The following PLCE1 variants were observed in gnomAD, a reference collection of about 807,000 sequenced individuals.
PLCE1 encodes phospholipase C epsilon 1.
In PLCE1, 119 loss-of-function variants were observed where a neutral mutation model predicts 242.8. That is an observed-to-expected ratio of 0.49 (90% CI 0.42 to 0.57). PLCE1 has a LOEUF of 0.57. Among genes scored for constraint, PLCE1 ranks in the 20% least tolerant of loss-of-function variants. The pLI is 0.00. For missense variants in PLCE1, 2,441 were observed against 2,788.8 expected (o/e 0.88, Z 2.81); for synonymous variants, 945 against 1,017.4 (o/e 0.93, Z 1.35).
intron 2 of PLCE1, among the ~76,000 whole-genome samples, chr10:94,096,199 A>G (rs1173367404): frequency 6.6e-6 from 1 of 152,198 alleles, no homozygotes; most frequent in Non-Finnish European, 1.5e-5. Flanking sequence ...TATGGAGACT[A>G]GGTACCTCTA....
chr10:94,223,566 C>G (rs1232584252), intron 4 of PLCE1, among the ~76,000 whole-genome samples: 1 of 151,926 alleles, frequency 6.6e-6, no homozygotes, highest in Non-Finnish European at 1.5e-5. Context: ...TGGCTAAGCC[C>G]AAGAGTACTG....
intron 19 of PLCE1, 124 bp downstream of exon 19, chr10:94,273,844 A>G: frequency 2.2e-6 from 2 of 905,556 alleles, no homozygotes; most frequent in African/African-American, 1.7e-5. Context: ...CTTTCCTTAA[A>G]TGATAAGTTT....
chr10:94,040,375 T>C (rs1023034894), intron 2 of PLCE1, among the ~76,000 whole-genome samples: 1 of 152,240 alleles, frequency 6.6e-6, no homozygotes, highest in Non-Finnish European at 1.5e-5. Context: ...AAATTGTTTT[T>C]TTTATTATCC....
At chr10:94,229,482 A>T (rs1036937837) in intron 5 of PLCE1, among the ~76,000 whole-genome samples, 2 of 152,176 alleles carry the variant, frequency 1.3e-5, no homozygotes, top group Non-Finnish European at 1.5e-5. Flanking sequence ...CACTCTTGCC[A>T]TATTGTACTG....
At chr10:94,252,236 A>G in intron 8 of PLCE1, 80 bp from the exon 9 acceptor site, 1 of 1,340,278 alleles carries the variant, frequency 7.5e-7, no homozygotes, top group Non-Finnish European at 1.1e-6. Flanking sequence ...ACCTCTTGGA[A>G]TTTTCTGGGA....
intron 19 of PLCE1, among the ~76,000 whole-genome samples, chr10:94,276,498 C>T (rs151172241): frequency 6.6e-6 from 1 of 152,158 alleles, no homozygotes; most frequent in African/African-American, 2.4e-5. Context: ...GAAGAAAGGC[C>T]TGGTCATCTG....
chr10:94,267,103 G>A (rs2051548345), intron 16 of PLCE1, among the ~76,000 whole-genome samples: 1 of 151,882 alleles, frequency 6.6e-6, no homozygotes, highest in Non-Finnish European at 1.5e-5. Flanking sequence ...TATTCTATAG[G>A]AATGAAATTA....
In PLCE1 at chr10:94,322,011, A is replaced by G; in HGVS notation, c.6453A>G (p.Thr2151=). Residue 2151 remains threonine (T), a synonymous_variant, in exon 30 of 33, where the codon ACA becomes ACG. Coordinates refer to ENST00000371380, the MANE Select transcript of PLCE1 (RefSeq NM_016341.4). ...VHDVSPEQPR[T]VIKAPRVSTA... ...ATGTTTCTCCAGAGCAACCTCGAAC[A>G]GTCATCAAAGCACCCCGCGTCAGCA... 6.2e-7 allele frequency: 1 copy of G among 1,614,180 alleles called. No homozygotes were observed.
At chr10:94,271,481 A>G (rs960893316) in intron 18 of PLCE1, among the ~76,000 whole-genome samples, 4 of 151,328 alleles carry the variant, frequency 2.6e-5, no homozygotes, top group African/African-American at 9.7e-5. Context: ...CGTCTGGCTA[A>G]TTTTTTGTAT....
chr10:94,220,197 C>T (rs1034817023), intron 4 of PLCE1, among the ~76,000 whole-genome samples: 1 of 150,050 alleles, frequency 6.7e-6, no homozygotes, highest in African/African-American at 2.5e-5. Flanking sequence ...CATACATACA[C>T]ACACACATAC....
intron 4 of PLCE1, among the ~76,000 whole-genome samples, chr10:94,192,704 GA>G (rs2048706663): frequency 6.6e-6 from 1 of 152,194 alleles, no homozygotes; most frequent in Non-Finnish European, 1.5e-5. Flanking sequence ...CCAGCAATGA[GA>G]TTGCTGGGTC....
At chr10:94,315,298 C>A (rs970545559) in intron 28 of PLCE1, 1 of 420,078 alleles carries the variant, frequency 2.4e-6, no homozygotes, top group South Asian at 1.8e-5. Flanking sequence ...TCGCTCTGGG[C>A]TTTGCCTTAT....
At chr10:94,003,720 C>T (rs138178626) in intron 1 of PLCE1, among the ~76,000 whole-genome samples, 2 of 151,934 alleles carry the variant, frequency 1.3e-5, no homozygotes, top group South Asian at 2.1e-4. Flanking sequence ...TTTATGTGGG[C>T]GAGTATAAGG....
At chr10:94,038,626 T>C (rs1334841598) in intron 2 of PLCE1, among the ~76,000 whole-genome samples, 2 of 152,140 alleles carry the variant, frequency 1.3e-5, no homozygotes, top group Non-Finnish European at 2.9e-5. Flanking sequence ...TGTTCAAGGA[T>C]AGGGAAAGCC....
chr10:94,271,944 G>T (rs2051759742), intron 18 of PLCE1, among the ~76,000 whole-genome samples: 1 of 152,174 alleles, frequency 6.6e-6, no homozygotes. Context: ...TACAAACAGG[G>T]AGTAGGTCAC....
intron 7 of PLCE1, among the ~76,000 whole-genome samples, chr10:94,240,294 C>G (rs2050460418): frequency 6.6e-6 from 1 of 152,190 alleles, no homozygotes; most frequent in East Asian, 1.9e-4. Context: ...AAACACTGCT[C>G]TAAATTCTTT....
chr10:94,043,911 G>A (rs1024689439), intron 2 of PLCE1, among the ~76,000 whole-genome samples: 5 of 152,098 alleles, frequency 3.3e-5, no homozygotes, highest in Admixed American at 3.3e-4. Context: ...AGGAAAGAGG[G>A]GCAGAATATT....
chr10:94,321,980 T>C lies in PLCE1; in HGVS notation c.6422T>C (p.Val2141Ala). 1 of 1,613,930 alleles carries C rather than the reference T, an allele frequency of 6.2e-7. No individual in the cohort carries two copies. The highest frequency in any genetic ancestry group is 8.5e-7 in the Non-Finnish European group (1 of 1,179,828). The change falls in exon 30 of 33, where the codon GTG becomes GCG. Residue 2141 changes from valine to alanine, a missense_variant. Transcript: ENST00000371380. ...SSEEESFFVQVHDVSPEQPRT... is the reference protein window; with the variant it reads ...SSEEESFFVQAHDVSPEQPRT... ...GAGGAGGAGAGTTTCTTTGTCCAAG[T>C]GCATGATGTTTCTCCAGAGCAACCT...
chr10:94,014,925 C>T (rs2061250229), intron 1 of PLCE1, among the ~76,000 whole-genome samples: 1 of 152,248 alleles, frequency 6.6e-6, no homozygotes, highest in South Asian at 2.1e-4. Context: ...GTGAGAATCA[C>T]TAGCCTCAGC....
Sources: allele counts gnomAD v4.1 joint callset (sites outside exome capture counted in the v4.1 genomes callset), GRCh38; gene constraint gnomAD v4.1.1; transcripts MANE v1.5; gene names NCBI Gene and HGNC (gene_info 2026-07-23, HGNC 2026-07-21).